The following DAB1 variants were observed in gnomAD, a reference collection of about 807,000 sequenced individuals.
The protein encoded by DAB1 is disabled homolog 1.
In DAB1, 15 loss-of-function variants were observed where a neutral mutation model predicts 64.6. The ratio of observed to expected loss-of-function variants is 0.23; its 90% CI spans 0.16 to 0.36. The LOEUF (loss-of-function observed/expected upper bound fraction) is 0.36. DAB1 is among the 10% of genes least tolerant of loss of function. The pLI is 1.00. For synonymous variants in DAB1, 235 were observed against 251.9 expected (o/e 0.93, Z 0.64); for missense variants, 596 against 706.7 (o/e 0.84, Z 1.78).
intron 6 of DAB1, among the ~76,000 whole-genome samples, chr1:57,685,400 C>A (rs988748027): frequency 6.6e-5 from 10 of 152,000 alleles, no homozygotes; most frequent in African/African-American, 2.4e-4. Context: ...ATTGGAGCAC[C>A]CAGATTTATA....
chr1:57,000,383 G>C (rs1292952187), intron 14 of DAB1, among the ~76,000 whole-genome samples: 1 of 152,024 alleles, frequency 6.6e-6, no homozygotes, highest in Non-Finnish European at 1.5e-5. Context: ...AGCACAGTAG[G>C]TCCTCAATGA....
chr1:57,916,218 C>T (rs533963214), intron 5 of DAB1, among the ~76,000 whole-genome samples: 12 of 152,272 alleles, frequency 7.9e-5, no homozygotes, highest in African/African-American at 7.2e-5. Context: ...GCAGGCGATT[C>T]GACAGGCACT....
chr1:58,540,742 G>A (rs1444458682), intron 1 of DAB1, among the ~76,000 whole-genome samples: 3 of 151,380 alleles, frequency 2.0e-5, no homozygotes, highest in Non-Finnish European at 4.4e-5. Context: ...CATCAATGAG[G>A]TATGCAATAA....
intron 4 of DAB1, among the ~76,000 whole-genome samples, chr1:58,198,053 A>G (rs1657786494): frequency 6.6e-6 from 1 of 152,216 alleles, no homozygotes; most frequent in Non-Finnish European, 1.5e-5. Flanking sequence ...ATATCATGGT[A>G]GGCAGGACTA....
chr1:58,141,519 T>C (rs887924275), intron 5 of DAB1, among the ~76,000 whole-genome samples: 1 of 152,000 alleles, frequency 6.6e-6, no homozygotes, highest in Non-Finnish European at 1.5e-5. Context: ...ACATCAGAGG[T>C]GCCACATACT....
intron 6 of DAB1, among the ~76,000 whole-genome samples, chr1:57,662,178 T>C (rs1045448471): frequency 4.0e-5 from 6 of 151,274 alleles, no homozygotes; most frequent in Non-Finnish European, 8.8e-5. Flanking sequence ...AGAATGTTGT[T>C]CTTTGTTTGT....
chr1:58,160,754 A>G (rs1170601181), intron 4 of DAB1, among the ~76,000 whole-genome samples: 1 of 152,126 alleles, frequency 6.6e-6, no homozygotes, highest in African/African-American at 2.4e-5. Flanking sequence ...TTTTGGGTAC[A>G]GTTACCAGAC....
chr1:57,783,599 C>T (rs1650209502), intron 6 of DAB1, among the ~76,000 whole-genome samples: 1 of 152,152 alleles, frequency 6.6e-6, no homozygotes, highest in Non-Finnish European at 1.5e-5. Context: ...TTAGCAGATA[C>T]TGTATTTTTT....
chr1:58,057,526 A>G (rs903430106), intron 5 of DAB1, among the ~76,000 whole-genome samples: 4 of 152,334 alleles, frequency 2.6e-5, no homozygotes, highest in East Asian at 3.9e-4. Flanking sequence ...CGAGACACAC[A>G]TAAGTAGAAC....
chr1:57,234,567 A>G (rs1055794807), intron 2 of DAB1, among the ~76,000 whole-genome samples: 3 of 152,206 alleles, frequency 2.0e-5, no homozygotes, highest in African/African-American at 4.8e-5. Context: ...AAGCATTTGT[A>G]TTAGTTTCCT....
At chr1:57,820,602 T>C (rs1242618952) in intron 6 of DAB1, among the ~76,000 whole-genome samples, 1 of 152,204 alleles carries the variant, frequency 6.6e-6, no homozygotes, top group Non-Finnish European at 1.5e-5. Context: ...TCAGTATCAT[T>C]GCTTCTACTC....
intron 2 of DAB1, among the ~76,000 whole-genome samples, chr1:57,260,210 A>G (rs1670078163): frequency 6.6e-6 from 1 of 152,214 alleles, no homozygotes; most frequent in Admixed American, 6.5e-5. Flanking sequence ...AGAGAAGAGC[A>G]TGACACAGTC....
At chr1:57,654,885 A>G (rs1226589513) in intron 6 of DAB1, among the ~76,000 whole-genome samples, 2 of 152,188 alleles carry the variant, frequency 1.3e-5, no homozygotes, top group Non-Finnish European at 2.9e-5. Context: ...ATAAAGACCT[A>G]TAATTACTTC....
At chr1:57,591,089 C>T (rs113341315) in intron 7 of DAB1, among the ~76,000 whole-genome samples, 1 of 152,096 alleles carries the variant, frequency 6.6e-6, no homozygotes, top group Non-Finnish European at 1.5e-5. Flanking sequence ...TCTGAACCTG[C>T]CATGAAAATG....
At chr1:58,256,586 C>T (rs1036297892) in intron 4 of DAB1, among the ~76,000 whole-genome samples, 2 of 152,158 alleles carry the variant, frequency 1.3e-5, no homozygotes, top group Admixed American at 6.5e-5. Context: ...TTATGATATA[C>T]CTACTGTGTG....
chr1:58,374,203 T>C (rs1385705051), intron 3 of DAB1, among the ~76,000 whole-genome samples: 1 of 128,986 alleles, frequency 7.8e-6, no homozygotes, highest in Non-Finnish European at 1.7e-5. Flanking sequence ...ATTTGTCAAT[T>C]TTGGCTTTTG....
chr1:58,123,185 T>C (rs1652853739), intron 5 of DAB1, among the ~76,000 whole-genome samples: 1 of 152,138 alleles, frequency 6.6e-6, no homozygotes, highest in Non-Finnish European at 1.5e-5. Flanking sequence ...TTTAGGCCCA[T>C]GGGGAGAGAA....
chr1:57,535,947 C>T (rs1160527801), intron 7 of DAB1, among the ~76,000 whole-genome samples: 1 of 152,172 alleles, frequency 6.6e-6, no homozygotes, highest in African/African-American at 2.4e-5. Context: ...AGGACTCAAG[C>T]TTCCCTTTGC....
At chr1:57,076,694 A>G (rs372503072) in intron 4 of DAB1, among the ~76,000 whole-genome samples, 6 of 152,288 alleles carry the variant, frequency 3.9e-5, no homozygotes, top group African/African-American at 1.4e-4. Flanking sequence ...AGCTCAGAGA[A>G]CTATAGTGTA....
Sources: gnomAD v4.1 joint callset for allele counts (sites outside exome capture counted in the v4.1 genomes callset) on GRCh38, gnomAD v4.1.1 for gene constraint, MANE v1.5 for transcripts, NCBI Gene and HGNC (gene_info 2026-07-23, HGNC 2026-07-21) for gene names.